The following STK31 variants were observed in gnomAD, a reference collection of about 807,000 sequenced individuals.
STK31 encodes serine/threonine-protein kinase 31.
In STK31, 89 loss-of-function variants were observed where a neutral mutation model predicts 129.7. That is an observed-to-expected ratio of 0.69 (90% CI 0.58 to 0.82). STK31 has a LOEUF of 0.82. Ranked by LOEUF, STK31 falls within the 40% of genes least tolerant of loss-of-function variation. The pLI, the probability that STK31 is intolerant of heterozygous loss-of-function variation, is 0.00. For synonymous variants in STK31, 448 were observed against 395.3 expected, an observed-to-expected ratio of 1.13 and a Z score of -1.58; for missense variants, 1,187 against 1,176.4, an observed-to-expected ratio of 1.01 and a Z score of -0.13.
chr7:23,793,777 C>T (rs1791786206), intron 22 of STK31, among the ~76,000 whole-genome samples: 1 of 152,118 alleles, frequency 6.6e-6, no homozygotes, highest in Admixed American at 6.5e-5. Flanking sequence ...ATATATATTG[C>T]CCAGGGGAAT....
At chr7:23,764,722 A>G (rs1584406640) in intron 11 of STK31, among the ~76,000 whole-genome samples, 2 of 152,042 alleles carry the variant, frequency 1.3e-5, no homozygotes, top group African/African-American at 2.4e-5. Flanking sequence ...GTTTGTCCCT[A>G]TTTGTCCCTA....
chr7:23,803,070 TTG>T (rs1010367953), intron 22 of STK31, among the ~76,000 whole-genome samples: 4 of 152,230 alleles, frequency 2.6e-5, no homozygotes. Flanking sequence ...TTGGAAGCTA[TTG>T]TGTTTTTTAA....
At position 23,717,464 on chromosome 7, in the gene STK31, ATATC is replaced by A. The variant is rs1262391930; in HGVS notation, c.151-14_151-11del. ...ATAATATTTTACTGTATCTTATACT[ATATC>A]TAATCTTTCTAGAGTATCAATAGAA... On this transcript the variant is annotated splice_polypyrimidine_tract_variant and intron_variant, in intron 3 of 23. Transcript: ENST00000355870. The A allele has an allele frequency of 6.6e-7, 1 of 1,523,372 alleles. No homozygotes were observed. Among genetic ancestry groups the A allele is most frequent in the Non-Finnish European group, 9.1e-7 (1 of 1,102,564 alleles). The allele number at this position is 1,523,372 out of a possible 1,614,324, so 94.4% of individuals were successfully genotyped here.
At chr7:23,819,131 T>C (rs1793639220) in intron 23 of STK31, among the ~76,000 whole-genome samples, 1 of 152,226 alleles carries the variant, frequency 6.6e-6, no homozygotes, top group South Asian at 2.1e-4. Flanking sequence ...TTGTTCCTGA[T>C]CTACTTTTGT....
chr7:23,723,395 C>A (rs1229858252), intron 4 of STK31, among the ~76,000 whole-genome samples: 1 of 152,126 alleles, frequency 6.6e-6, no homozygotes, highest in African/African-American at 2.4e-5. Flanking sequence ...GGAGCCAACT[C>A]ATTCCTCAAT....
At position 23,803,747 on chromosome 7, in the gene STK31, C is replaced by T. The variant is rs926995176; in HGVS notation, c.2761-11397C>T. On this transcript the variant is annotated intron_variant, in intron 22 of 23. Coordinates refer to ENST00000355870, the MANE Select transcript of STK31 (RefSeq NM_031414.5). ...CCTCTCCTTCCTCCTACCCTCTGCC[C>T]TTAAGTAGGCCCCGTGTCTGTTGTT... Among the ~76,000 whole-genome samples the T allele has an allele frequency of 7.9e-5, 12 of 152,150 alleles. 1 individual carries two copies. Among genetic ancestry groups the T allele is most frequent in the African/African-American group, 2.7e-4 (11 of 41,436 alleles).
At chr7:23,792,425 C>T (rs1791675707) in intron 22 of STK31, among the ~76,000 whole-genome samples, 1 of 151,988 alleles carries the variant, frequency 6.6e-6, no homozygotes, top group African/African-American at 2.4e-5. Context: ...AAGAGTTGCA[C>T]ACTATTAAAA....
intron 1 of STK31, 116 bp downstream of exon 1, chr7:23,710,451 C>T (rs554092215): frequency 6.4e-7 from 1 of 1,572,906 alleles, no homozygotes; most frequent in East Asian, 2.3e-5. Flanking sequence ...GGTTTTCTGT[C>T]ACCTTCTAGC....
intron 17 of STK31, 135 bp downstream of exon 17, chr7:23,783,798 G>A: frequency 1.6e-6 from 1 of 635,272 alleles, no homozygotes; most frequent in Non-Finnish European, 2.6e-6. Context: ...ATGGGTATTA[G>A]AACTTTTTCT....
At chr7:23,781,117 G>A (rs890210671) in intron 15 of STK31, among the ~76,000 whole-genome samples, 11 of 152,262 alleles carry the variant, frequency 7.2e-5, no homozygotes, top group Non-Finnish European at 1.2e-4. Context: ...TCTTTTGTTC[G>A]AATGGCAGTT....
intron 11 of STK31, among the ~76,000 whole-genome samples, chr7:23,765,467 A>G (rs893379833): frequency 6.6e-6 from 1 of 151,762 alleles, no homozygotes; most frequent in Non-Finnish European, 1.5e-5. Context: ...TGGTAACTTA[A>G]TTTACATATT....
At position 23,743,447 on chromosome 7, in the gene STK31, C is replaced by CT. The variant is rs201440237; in HGVS notation, c.1017+6372dup. ...CTTGACTAGCAGTTTCCTTTCAGCG[C>CT]TTTGAATATATTGTTTCATTCTCTC... On this transcript the variant is annotated intron_variant, in intron 8 of 23. Transcript: ENST00000355870. Among the ~76,000 whole-genome samples the CT allele has an allele frequency of 8.6e-4, 131 of 152,286 alleles. No homozygotes were observed. The East Asian group carries it at 0.024, about 28-fold the overall frequency.
intron 5 of STK31, 29 bp from the exon 6 acceptor site, chr7:23,729,062 T>C (rs1562553421): frequency 1.9e-6 from 3 of 1,559,630 alleles, no homozygotes; most frequent in South Asian, 1.2e-5. Flanking sequence ...CTGGGGTCAG[T>C]ATTCGTATTT....
At chr7:23,786,068 T>C (rs1339377109) in intron 18 of STK31, among the ~76,000 whole-genome samples, 1 of 152,086 alleles carries the variant, frequency 6.6e-6, no homozygotes, top group African/African-American at 2.4e-5. Context: ...TTCCCTCATT[T>C]CCCTAAATAG....
intron 22 of STK31, among the ~76,000 whole-genome samples, chr7:23,806,682 C>T (rs528073442): frequency 2.0e-5 from 3 of 152,020 alleles, no homozygotes; most frequent in Non-Finnish European, 2.9e-5. Flanking sequence ...GGGTGGATCA[C>T]GAGGTCAGGA....
chr7:23,825,665 C>T (rs762725583), intron 23 of STK31, among the ~76,000 whole-genome samples: 6 of 151,938 alleles, frequency 3.9e-5, no homozygotes, highest in Non-Finnish European at 7.4e-5. Flanking sequence ...TGCTCTTGCT[C>T]CTCTAGTTCT....
At chr7:23,822,175 T>A (rs1793823230) in intron 23 of STK31, among the ~76,000 whole-genome samples, 1 of 152,160 alleles carries the variant, frequency 6.6e-6, no homozygotes, top group Non-Finnish European at 1.5e-5. Context: ...TGTGAAAAAT[T>A]ACATTGCTAT....
chr7:23,801,019 T>C (rs887154637), intron 22 of STK31, among the ~76,000 whole-genome samples: 22 of 152,180 alleles, frequency 1.4e-4, no homozygotes, highest in African/African-American at 5.3e-4. Flanking sequence ...TGTGAACATG[T>C]GTGTATAGGT....
At chr7:23,809,477 C>T (rs898296236) in intron 22 of STK31, among the ~76,000 whole-genome samples, 1 of 152,154 alleles carries the variant, frequency 6.6e-6, no homozygotes, top group Non-Finnish European at 1.5e-5. Context: ...TTACAAATTA[C>T]AGTCATCCCT....
Sources: allele counts gnomAD v4.1 joint callset (sites outside exome capture counted in the v4.1 genomes callset), GRCh38; gene constraint gnomAD v4.1.1; transcripts MANE v1.5; gene names NCBI Gene and HGNC (gene_info 2026-07-23, HGNC 2026-07-21).